Variants in ZNF804A observed in about 807,000 individuals in gnomAD.
The protein encoded by ZNF804A is zinc finger protein 804A.
In ZNF804A, 2 loss-of-function variants were observed where a neutral mutation model predicts 16.5. That is an observed-to-expected ratio of 0.12 (90% CI 0.05 to 0.38). ZNF804A has a LOEUF of 0.38. Ranked by LOEUF, ZNF804A falls within the 10% of genes least tolerant of loss-of-function variation. The probability of loss-of-function intolerance (pLI) is 0.99; values close to 1 mark genes in which losing one functional copy is unlikely to be tolerated. For missense variants in ZNF804A, 1,473 were observed against 1,390.7 expected, an observed-to-expected ratio of 1.06 and a Z score of -0.94; for synonymous variants, 534 against 489.6, an observed-to-expected ratio of 1.09 and a Z score of -1.20.
At chr2:184,781,862 G>A (rs904868332) in intron 1 of ZNF804A, among the ~76,000 whole-genome samples, 4 of 151,754 alleles carry the variant, frequency 2.6e-5, no homozygotes, top group African/African-American at 7.3e-5. Context: ...AAATACCACC[G>A]ACTGGCTTAA....
At chr2:184,669,743 A>G (rs1188926622) in intron 1 of ZNF804A, among the ~76,000 whole-genome samples, 1 of 116,836 alleles carries the variant, frequency 8.6e-6, no homozygotes, top group Non-Finnish European at 1.8e-5. Flanking sequence ...TGGTTGCCAC[A>G]TCTCTCTCTC....
At chr2:184,881,990 A>C (rs1684816158) in intron 2 of ZNF804A, among the ~76,000 whole-genome samples, 1 of 152,050 alleles carries the variant, frequency 6.6e-6, no homozygotes, top group Non-Finnish European at 1.5e-5. Context: ...AAAAGGCACA[A>C]AATTGTAAGT....
intron 1 of ZNF804A, among the ~76,000 whole-genome samples, chr2:184,799,041 C>T (rs566133927): frequency 1.1e-4 from 16 of 152,180 alleles, no homozygotes; most frequent in Non-Finnish European, 1.6e-4. Context: ...TCTGGTACCG[C>T]GGGCTGTCAG....
Position 184,939,319 on chromosome 2 carries a change from T to C in ZNF804A, c.*293T>C, listed in dbSNP as rs1275278127. The C allele has an allele frequency of 5.0e-5, 11 of 221,340 alleles. No homozygotes were observed. Among genetic ancestry groups the C allele is most frequent in the Non-Finnish European group, 1.8e-5 (2 of 112,668 alleles). The allele number at this position is 221,340 out of a possible 1,614,324, so 13.7% of individuals were successfully genotyped here. Reference sequence around the variant, plus strand: ...TGTACATAAAATATATTTATAGTACTCTAATTTATGTTGTAAAGTATGCTC... The same window carrying C: ...TGTACATAAAATATATTTATAGTACCCTAATTTATGTTGTAAAGTATGCTC... On this transcript the variant is annotated 3_prime_UTR_variant, in exon 4 of 4. Transcript: ENST00000302277.
chr2:184,841,933 T>C (rs1695442142), intron 1 of ZNF804A, among the ~76,000 whole-genome samples: 1 of 152,132 alleles, frequency 6.6e-6, no homozygotes, highest in South Asian at 2.1e-4. Context: ...ATCCTTCCCC[T>C]TCGTGTCTTG....
At chr2:184,703,482 C>T (rs751239747) in intron 1 of ZNF804A, among the ~76,000 whole-genome samples, 3 of 151,654 alleles carry the variant, frequency 2.0e-5, no homozygotes, top group Non-Finnish European at 4.4e-5. Context: ...GCGGGCAGAT[C>T]ATGAGATCAG....
chr2:184,913,325 T>C (rs1685392744), intron 2 of ZNF804A, among the ~76,000 whole-genome samples: 2 of 152,174 alleles, frequency 1.3e-5, no homozygotes, highest in South Asian at 2.1e-4. Context: ...TACTGACTTT[T>C]ATTTATTTAC....
intron 1 of ZNF804A, among the ~76,000 whole-genome samples, chr2:184,845,466 G>T (rs1247122971): frequency 6.6e-6 from 1 of 151,920 alleles, no homozygotes; most frequent in African/African-American, 2.4e-5. Flanking sequence ...AGAGTTTCCT[G>T]TCAGTTTTCT....
intron 2 of ZNF804A, among the ~76,000 whole-genome samples, chr2:184,928,649 T>C (rs975462941): frequency 6.6e-6 from 1 of 152,104 alleles, no homozygotes; most frequent in Non-Finnish European, 1.5e-5. Context: ...CTGAACTTTA[T>C]TTAGAGCCCC....
chr2:184,914,221 T>C (rs1010579761), intron 2 of ZNF804A, among the ~76,000 whole-genome samples: 1 of 152,176 alleles, frequency 6.6e-6, no homozygotes, highest in Non-Finnish European at 1.5e-5. Context: ...GGCCAGCATC[T>C]TACATGCTTT....
rs758254752 is a variant in ZNF804A at position 184,866,428 on chromosome 2, T to G, written c.171T>G (p.Phe57Leu). 1.2e-6 allele frequency: 2 copies of G among 1,613,310 alleles called. No individual in the cohort carries two copies. The highest frequency in any genetic ancestry group is 1.1e-5 in the South Asian group (1 of 91,056). The change falls in exon 2 of 4, where the codon TTT becomes TTG. Residue 57 changes from phenylalanine (F) to leucine (L), a missense_variant. Physicochemically the swap from Phe to Leu is conservative, Grantham distance 22. Transcript: ENST00000302277. Reference protein sequence around the residue: ...AKALEDLKANFYCELCDKQYY... With the variant: ...AKALEDLKANLYCELCDKQYY... ...CTCTGGAAGATCTGAAGGCAAATTT[T>G]TACTGTGAACTCTGTGACAAGCAGT...
chr2:184,615,638 A>G (rs1489404548), intron 1 of ZNF804A, among the ~76,000 whole-genome samples: 1 of 152,090 alleles, frequency 6.6e-6, no homozygotes, highest in Non-Finnish European at 1.5e-5. Context: ...AATCCTATCT[A>G]CAGGTGATGT....
At chr2:184,759,321 T>C (rs941018930) in intron 1 of ZNF804A, among the ~76,000 whole-genome samples, 3 of 151,670 alleles carry the variant, frequency 2.0e-5, no homozygotes, top group Middle Eastern at 3.4e-3. Context: ...AAAAAGGACA[T>C]TGGGAAAAAA....
intron 1 of ZNF804A, among the ~76,000 whole-genome samples, chr2:184,781,133 C>T (rs1207473670): frequency 6.6e-6 from 1 of 151,744 alleles, no homozygotes; most frequent in African/African-American, 2.4e-5. Context: ...TCAAAATACA[C>T]ATTGTATTTC....
At chr2:184,664,024 T>C (rs1230933636) in intron 1 of ZNF804A, among the ~76,000 whole-genome samples, 1 of 152,232 alleles carries the variant, frequency 6.6e-6, no homozygotes, top group Non-Finnish European at 1.5e-5. Context: ...AGTTCTAGTT[T>C]CATGAAATTG....
rs374107846 is a variant in ZNF804A, at chr2:184,646,864, C to A, written c.111+47794C>A. 6.6e-5 allele frequency among the ~76,000 whole-genome samples: 10 copies of A among 152,332 alleles called. No homozygotes were observed. The South Asian group carries it at 1.2e-3, about 19-fold the overall frequency. Reference sequence around the variant, plus strand: ...TTCCTCCTGCCATCAGAGGACCTGTCGGCAGATTTGCCTGATCCAGCTCTA... The same window carrying A: ...TTCCTCCTGCCATCAGAGGACCTGTAGGCAGATTTGCCTGATCCAGCTCTA... On this transcript the variant is annotated intron_variant, in intron 1 of 3. Coordinates refer to ENST00000302277, the MANE Select transcript of ZNF804A (RefSeq NM_194250.2).
chr2:184,929,432 T>C (rs979929483), intron 2 of ZNF804A, among the ~76,000 whole-genome samples: 2 of 152,180 alleles, frequency 1.3e-5, no homozygotes, highest in South Asian at 4.1e-4. Flanking sequence ...TTAAAACCAC[T>C]ATTTGTAATC....
intron 1 of ZNF804A, among the ~76,000 whole-genome samples, chr2:184,801,323 G>A (rs770928515): frequency 1.2e-4 from 19 of 152,080 alleles, no homozygotes; most frequent in Non-Finnish European, 2.1e-4. Context: ...CTGTATCTGA[G>A]ATTTGTTATC....
intron 1 of ZNF804A, among the ~76,000 whole-genome samples, chr2:184,657,501 A>T (rs1303236481): frequency 6.6e-6 from 1 of 152,192 alleles, no homozygotes; most frequent in Non-Finnish European, 1.5e-5. Flanking sequence ...GCTCAGGCTT[A>T]TTAAAAGGGA....
Sources: allele counts gnomAD v4.1 joint callset (sites outside exome capture counted in the v4.1 genomes callset), GRCh38; gene constraint gnomAD v4.1.1; transcripts MANE v1.5; gene names NCBI Gene and HGNC (gene_info 2026-07-23, HGNC 2026-07-21).